The following CSMD1 variants were observed in gnomAD, a reference collection of about 807,000 sequenced individuals.
The protein encoded by CSMD1 is CUB and Sushi multiple domains 1, also known as CUB and sushi domain-containing protein 1.
CSMD1 carries 213 observed loss-of-function variants against 417.5 expected under a neutral mutation model. That is an observed-to-expected ratio of 0.51 (90% CI 0.46 to 0.57). CSMD1 has a LOEUF of 0.57. Ranked by LOEUF, CSMD1 falls within the 20% of genes least tolerant of loss-of-function variation. The pLI, the probability that CSMD1 is intolerant of heterozygous loss-of-function variation, is 0.00. For missense variants in CSMD1, 6,923 were observed against 4,529.7 expected, an observed-to-expected ratio of 1.53 and a Z score of -15.17; for synonymous variants, 2,862 against 1,736.8, an observed-to-expected ratio of 1.65 and a Z score of -16.11.
At chr8:4,280,976 T>C (rs989754079) in intron 3 of CSMD1, among the ~76,000 whole-genome samples, 10 of 152,268 alleles carry the variant, frequency 6.6e-5, no homozygotes, top group Middle Eastern at 3.4e-3. Context: ...TTCCCAGTAA[T>C]AGAATAAAGT....
At chr8:3,656,887 T>C (rs1284861034) in intron 7 of CSMD1, among the ~76,000 whole-genome samples, 4 of 150,654 alleles carry the variant, frequency 2.7e-5, no homozygotes, top group Admixed American at 6.6e-5. Flanking sequence ...ATCACACCAC[T>C]GCACTCCAGC....
chr8:3,511,562 C>G (rs1012637485), intron 10 of CSMD1, among the ~76,000 whole-genome samples: 1 of 151,336 alleles, frequency 6.6e-6, no homozygotes. Flanking sequence ...TGAGATCAGC[C>G]CGGCCAAAAT....
In CSMD1 at chr8:3,992,992, G is replaced by A. The variant is rs145972891; in HGVS notation, c.818+4911C>T. ...ATGGAAACGGCCACAGTTGGACAGG[G>A]CCAAGGAGGCAAAACCAAATGCTCT... On this transcript the variant is annotated intron_variant, in intron 5 of 69. Transcript: ENST00000635120. Among the ~76,000 whole-genome samples, 714 of 152,330 alleles carry A rather than the reference G, an allele frequency of 4.7e-3. 3 individuals carry two copies. Among genetic ancestry groups the A allele is most frequent in the African/African-American group, 0.016 (684 of 41,576 alleles).
chr8:3,460,155 A>C (rs1460182839), intron 12 of CSMD1, among the ~76,000 whole-genome samples: 1 of 152,158 alleles, frequency 6.6e-6, no homozygotes, highest in Non-Finnish European at 1.5e-5. Context: ...TGTAGCAGCA[A>C]ATCACATAAT....
intron 5 of CSMD1, among the ~76,000 whole-genome samples, chr8:3,814,231 C>G (rs1467359778): frequency 6.6e-6 from 1 of 152,178 alleles, no homozygotes; most frequent in East Asian, 1.9e-4. Context: ...CGTCTGCATT[C>G]TGAATAGAAA....
chr8:3,374,872 T>C (rs2116737053), intron 18 of CSMD1, among the ~76,000 whole-genome samples: 1 of 152,278 alleles, frequency 6.6e-6, no homozygotes, highest in Middle Eastern at 3.4e-3. Flanking sequence ...CAAAGTCTTC[T>C]AATAAATGGA....
chr8:4,787,293 C>G (rs1008731779), intron 1 of CSMD1: 60 of 679,886 alleles, frequency 8.8e-5, no homozygotes, highest in Admixed American at 6.8e-5. Context: ...CTCTGCCTCA[C>G]TTACCGGCGC....
chr8:4,933,628 T>C (rs1304732094), intron 1 of CSMD1, among the ~76,000 whole-genome samples: 1 of 151,970 alleles, frequency 6.6e-6, no homozygotes, highest in Admixed American at 6.6e-5. Flanking sequence ...ACAACCACAA[T>C]GTACTTTCCG....
intron 1 of CSMD1, among the ~76,000 whole-genome samples, chr8:4,707,089 T>C (rs954560871): frequency 5.3e-5 from 8 of 152,184 alleles, no homozygotes; most frequent in African/African-American, 1.9e-4. Context: ...CCCTGGCAGC[T>C]GTGTGGAAAA....
chr8:4,782,114 G>A lies in CSMD1; in HGVS notation c.86-144556C>T, dbSNP rs117127182. On this transcript the variant is annotated intron_variant, in intron 1 of 69. Coordinates refer to ENST00000635120, the MANE Select transcript of CSMD1 (RefSeq NM_033225.6). ...CTATGCCTTTTAAAAAGACATTACA[G>A]TAGGGAGGAGGAAGGGGAGAGAGGT... Among the ~76,000 whole-genome samples the A allele has an allele frequency of 6.2e-3, 945 of 152,282 alleles. 4 individuals are homozygous for A. The highest frequency in any genetic ancestry group is 8.5e-3 in the Non-Finnish European group (578 of 68,012).
chr8:4,453,075 A>G (rs1205375710), intron 2 of CSMD1, among the ~76,000 whole-genome samples: 2 of 152,132 alleles, frequency 1.3e-5, no homozygotes, highest in African/African-American at 4.8e-5. Context: ...AATGGTGATA[A>G]GCTCTCCTGG....
At chr8:3,755,789 T>A (rs1797621845) in intron 5 of CSMD1, among the ~76,000 whole-genome samples, 1 of 152,288 alleles carries the variant, frequency 6.6e-6, no homozygotes, top group South Asian at 2.1e-4. Flanking sequence ...CAACAGTGTT[T>A]ATGCCACTGT....
intron 1 of CSMD1, among the ~76,000 whole-genome samples, chr8:4,772,758 T>G (rs1347206810): frequency 6.6e-6 from 1 of 152,194 alleles, no homozygotes; most frequent in South Asian, 2.1e-4. Context: ...CGGAAGAACC[T>G]CTTGGCTAAC....
intron 12 of CSMD1, among the ~76,000 whole-genome samples, chr8:3,429,113 C>T (rs536983886): frequency 1.3e-5 from 2 of 152,062 alleles, no homozygotes; most frequent in Non-Finnish European, 2.9e-5. Flanking sequence ...TTCTTGTGTG[C>T]TATTGTACAG....
At chr8:3,242,109 T>C (rs1799573996) in intron 26 of CSMD1, among the ~76,000 whole-genome samples, 1 of 150,844 alleles carries the variant, frequency 6.6e-6, no homozygotes, top group Non-Finnish European at 1.5e-5. Flanking sequence ...AAAGGAGCAT[T>C]AACCTTGACT....
chr8:2,939,220 G>T (rs562562934), intron 69 of CSMD1, among the ~76,000 whole-genome samples: 2 of 152,330 alleles, frequency 1.3e-5, no homozygotes, highest in South Asian at 4.1e-4. Flanking sequence ...ATACGGCCTT[G>T]GTTAAGACAC....
intron 50 of CSMD1, among the ~76,000 whole-genome samples, chr8:3,042,401 T>A (rs1263663584): frequency 1.3e-5 from 2 of 152,158 alleles, no homozygotes; most frequent in Non-Finnish European, 2.9e-5. Context: ...ACAGAGACAT[T>A]TCCTTTTATC....
intron 3 of CSMD1, among the ~76,000 whole-genome samples, chr8:4,041,064 T>C (rs1797864873): frequency 1.4e-5 from 2 of 140,890 alleles, no homozygotes; most frequent in East Asian, 2.1e-4. Context: ...TCGCCCAGGC[T>C]GGAGTGCAGT....
chr8:4,787,197 C>G, intron 1 of CSMD1: 1 of 448,676 alleles, frequency 2.2e-6, no homozygotes, highest in East Asian at 4.5e-5. Flanking sequence ...GGCGCAGGGT[C>G]GCGGGGCCCC....
Sources: allele counts gnomAD v4.1 joint callset (sites outside exome capture counted in the v4.1 genomes callset), GRCh38; gene constraint gnomAD v4.1.1; transcripts MANE v1.5; gene names NCBI Gene and HGNC (gene_info 2026-07-23, HGNC 2026-07-21).